Variants in DLG2 observed in about 807,000 individuals in gnomAD.
DLG2 encodes the protein disks large homolog 2.
In DLG2, 45 loss-of-function variants were observed where a neutral mutation model predicts 132.5. The observed-to-expected ratio is 0.34, with a 90% CI of 0.27 to 0.44. DLG2 has a LOEUF of 0.44. DLG2 is among the 20% of genes least tolerant of loss of function. The probability of loss-of-function intolerance (pLI) is 1.00; values close to 1 mark genes in which losing one functional copy is unlikely to be tolerated. For missense variants in DLG2, 1,045 were observed against 1,196.9 expected (o/e 0.87, Z 1.87); for synonymous variants, 424 against 419.6 (o/e 1.01, Z -0.13).
At chr11:85,280,375 T>G (rs1402806430) in intron 4 of DLG2, among the ~76,000 whole-genome samples, 1 of 152,018 alleles carries the variant, frequency 6.6e-6, no homozygotes, top group African/African-American at 2.4e-5. Context: ...AAAAATCAGA[T>G]AGGTTAAATA....
intron 11 of DLG2, among the ~76,000 whole-genome samples, chr11:84,005,066 C>G (rs1231499781): frequency 1.4e-5 from 2 of 147,340 alleles, no homozygotes; most frequent in Admixed American, 1.3e-4. Flanking sequence ...AACACAAAAA[C>G]AAACAAACAA....
rs1210669085 is a variant in DLG2, at chr11:83,755,221, A to G, written c.1825+31469T>C. ...ATAATGAAAAAGAATACAAGTTAAT[A>G]TCTTTTAAATTACATTTCCAGCACA... On this transcript the variant is annotated intron_variant, in intron 18 of 27. Coordinates refer to ENST00000376104, the MANE Select transcript of DLG2 (RefSeq NM_001142699.3). Among the ~76,000 whole-genome samples the G allele has an allele frequency of 2.0e-5, 3 of 151,414 alleles. 1 individual carries two copies. The South Asian group carries it at 6.2e-4, about 31-fold the overall frequency.
At chr11:84,101,549 T>C (rs540834905) in intron 9 of DLG2, among the ~76,000 whole-genome samples, 1 of 152,152 alleles carries the variant, frequency 6.6e-6, no homozygotes, top group African/African-American at 2.4e-5. Flanking sequence ...GCAATAATAC[T>C]CTGGCATCTA....
intron 6 of DLG2, among the ~76,000 whole-genome samples, chr11:84,624,993 T>G (rs2099620108): frequency 6.7e-6 from 1 of 148,406 alleles, no homozygotes; most frequent in African/African-American, 2.5e-5. Context: ...CCCAAGTAGC[T>G]GGGACTACAG....
chr11:84,737,116 G>A (rs1411301708), intron 6 of DLG2, among the ~76,000 whole-genome samples: 2 of 151,752 alleles, frequency 1.3e-5, no homozygotes, highest in Non-Finnish European at 2.9e-5. Flanking sequence ...TTGTCACATG[G>A]TTTTTCTATG....
At position 83,786,839 on chromosome 11, in the gene DLG2, T is replaced by C. The variant is rs1256819127; in HGVS notation, c.1723-47A>G. On this transcript the variant is annotated intron_variant, in intron 17 of 27. Coordinates refer to ENST00000376104, the MANE Select transcript of DLG2 (RefSeq NM_001142699.3). The stretch of plus-strand genomic sequence containing the variant: ...AATCTTGGTATTTCATAAGGCATAT[T>C]ATCCTGATAGAAGAAAAAAGTTTCC... The C allele has an allele frequency of 1.9e-6, 3 of 1,566,244 alleles. No individual in the cohort carries two copies. The African/African-American group carries it at 4.1e-5, about 21-fold the overall frequency.
intron 5 of DLG2, among the ~76,000 whole-genome samples, chr11:85,121,939 T>TAC (rs2074373388): frequency 6.6e-6 from 1 of 152,192 alleles, no homozygotes; most frequent in Non-Finnish European, 1.5e-5. Context: ...CATGGATATC[T>TAC]ACATAAGAGT....
At chr11:83,869,432 A>G (rs2063015324) in intron 16 of DLG2, among the ~76,000 whole-genome samples, 2 of 152,308 alleles carry the variant, frequency 1.3e-5, no homozygotes, top group African/African-American at 2.4e-5. Flanking sequence ...TCAGAACACC[A>G]GAGTCTCCCC....
At chr11:84,535,302 G>T (rs1309447152) in intron 6 of DLG2, among the ~76,000 whole-genome samples, 1 of 152,192 alleles carries the variant, frequency 6.6e-6, no homozygotes, top group Non-Finnish European at 1.5e-5. Context: ...AGGAGAAGGA[G>T]TATTGATTTG....
chr11:83,669,220 C>T (rs1326160862), intron 18 of DLG2, among the ~76,000 whole-genome samples: 1 of 152,154 alleles, frequency 6.6e-6, no homozygotes, highest in Non-Finnish European at 1.5e-5. Context: ...CCTACTCACA[C>T]TCTTTCAAAT....
chr11:84,636,357 T>G (rs529230160), intron 6 of DLG2, among the ~76,000 whole-genome samples: 2 of 152,214 alleles, frequency 1.3e-5, no homozygotes, highest in African/African-American at 4.8e-5. Context: ...AACTGTGACA[T>G]TGAAGTTAAG....
At chr11:85,516,705 C>A (rs1014678717) in intron 3 of DLG2, among the ~76,000 whole-genome samples, 8 of 151,954 alleles carry the variant, frequency 5.3e-5, no homozygotes, top group Non-Finnish European at 8.8e-5. Context: ...ACACATAGAA[C>A]CTTCCAAGAT....
At chr11:85,402,849 C>T (rs1025865460) in intron 3 of DLG2, among the ~76,000 whole-genome samples, 4 of 152,022 alleles carry the variant, frequency 2.6e-5, no homozygotes, top group Admixed American at 2.6e-4. Context: ...ACAAGAGATG[C>T]TGGAGAGGAT....
intron 6 of DLG2, among the ~76,000 whole-genome samples, chr11:84,950,545 T>C (rs2050781566): frequency 1.3e-5 from 2 of 152,188 alleles, no homozygotes; most frequent in African/African-American, 4.8e-5. Context: ...TCTATATACA[T>C]TCATTAACAA....
intron 16 of DLG2, among the ~76,000 whole-genome samples, chr11:83,866,015 C>T (rs1256489351): frequency 1.3e-5 from 2 of 152,120 alleles, no homozygotes; most frequent in Non-Finnish European, 1.5e-5. Context: ...TCCATGACCT[C>T]CCTGACCACC....
intron 11 of DLG2, among the ~76,000 whole-genome samples, chr11:84,038,657 T>C (rs2095950396): frequency 6.6e-6 from 1 of 152,088 alleles, no homozygotes; most frequent in Admixed American, 6.6e-5. Flanking sequence ...ATTCCAGATA[T>C]TATCCATATT....
chr11:84,440,211 T>A (rs1341643366), intron 7 of DLG2, among the ~76,000 whole-genome samples: 1 of 152,232 alleles, frequency 6.6e-6, no homozygotes, highest in African/African-American at 2.4e-5. Context: ...CTTATGACAG[T>A]AATAACTATT....
chr11:84,898,526 C>A (rs952620317), intron 6 of DLG2, among the ~76,000 whole-genome samples: 1 of 151,932 alleles, frequency 6.6e-6, no homozygotes, highest in African/African-American at 2.4e-5. Context: ...CCTTCTACTG[C>A]AAATGTTCTT....
At chr11:85,099,832 G>T (rs2152269449) in intron 6 of DLG2, among the ~76,000 whole-genome samples, 1 of 152,232 alleles carries the variant, frequency 6.6e-6, no homozygotes, top group East Asian at 1.9e-4. Context: ...GCCCAGGAGA[G>T]TTCACAAGAC....
Sources: gnomAD v4.1 joint callset for allele counts (sites outside exome capture counted in the v4.1 genomes callset) on GRCh38, gnomAD v4.1.1 for gene constraint, MANE v1.5 for transcripts, NCBI Gene and HGNC (gene_info 2026-07-23, HGNC 2026-07-21) for gene names.